Variants in CCSER1 observed in about 807,000 individuals in gnomAD.
The protein encoded by CCSER1 is coiled-coil serine rich protein 1, also known as serine-rich coiled-coil domain-containing protein 1.
In CCSER1, 41 loss-of-function variants were observed where a neutral mutation model predicts 82.0. The ratio of observed to expected loss-of-function variants is 0.50; its 90% CI spans 0.39 to 0.65. The LOEUF is 0.65. CCSER1 is among the 30% of genes least tolerant of loss of function. The pLI is 0.00. For missense variants in CCSER1, 1,119 were observed against 1,064.2 expected (o/e 1.05, Z -0.72); for synonymous variants, 414 against 383.9 (o/e 1.08, Z -0.92).
intron 10 of CCSER1, among the ~76,000 whole-genome samples, chr4:91,226,755 A>T (rs940763165): frequency 6.6e-6 from 1 of 151,884 alleles, no homozygotes; most frequent in Non-Finnish European, 1.5e-5. Context: ...ATAAACTTGT[A>T]CATTTCATTT....
intron 9 of CCSER1, among the ~76,000 whole-genome samples, chr4:90,934,550 A>G (rs28712687): frequency 0.049 from 7,522 of 152,304 alleles, 498 homozygotes; most frequent in African/African-American, 0.15. Context: ...AAACAATACC[A>G]TGAATCAAAA....
intron 7 of CCSER1, among the ~76,000 whole-genome samples, chr4:90,773,288 C>A (rs536311075): frequency 4.3e-4 from 66 of 152,306 alleles, no homozygotes; most frequent in Non-Finnish European, 7.4e-4. Context: ...ACTGATTGCC[C>A]TTACCTTAAT....
chr4:91,399,615 T>C (rs1578362850), intron 10 of CCSER1, among the ~76,000 whole-genome samples: 1 of 151,954 alleles, frequency 6.6e-6, no homozygotes, highest in African/African-American at 2.4e-5. Flanking sequence ...ACCTGCTAAG[T>C]CAGTTAACAT....
At chr4:90,171,207 T>C (rs1346942286) in intron 1 of CCSER1, among the ~76,000 whole-genome samples, 1 of 79,706 alleles carries the variant, frequency 1.3e-5, no homozygotes, top group Non-Finnish European at 2.4e-5. Context: ...GGAATATATT[T>C]TAAAAATTTA....
chr4:91,077,952 A>G (rs1722190759), intron 9 of CCSER1, among the ~76,000 whole-genome samples: 2 of 152,338 alleles, frequency 1.3e-5, no homozygotes, highest in Middle Eastern at 3.4e-3. Flanking sequence ...GGAAGCTCGA[A>G]CTGGGTGGAG....
intron 6 of CCSER1, among the ~76,000 whole-genome samples, chr4:90,654,402 T>A (rs1431380699): frequency 6.6e-6 from 1 of 152,164 alleles, no homozygotes; most frequent in East Asian, 1.9e-4. Context: ...TTTTATACTT[T>A]ATATTTCATT....
At chr4:91,025,809 T>C (rs994604138) in intron 9 of CCSER1, among the ~76,000 whole-genome samples, 2 of 152,158 alleles carry the variant, frequency 1.3e-5, no homozygotes, top group African/African-American at 2.4e-5. Flanking sequence ...TATTCTGTTT[T>C]TAATTTTACT....
intron 9 of CCSER1, among the ~76,000 whole-genome samples, chr4:91,063,971 C>A (rs1744162572): frequency 6.6e-6 from 1 of 152,142 alleles, no homozygotes; most frequent in Non-Finnish European, 1.5e-5. Flanking sequence ...TACTACATTA[C>A]CTCACATTAT....
chr4:91,540,999 T>G (rs1317389010), intron 10 of CCSER1, among the ~76,000 whole-genome samples: 2 of 152,182 alleles, frequency 1.3e-5, no homozygotes, highest in East Asian at 1.9e-4. Context: ...CTTTGTTCAT[T>G]TTCAATATTG....
At chr4:91,573,555 A>C (rs1393828777) in intron 10 of CCSER1, among the ~76,000 whole-genome samples, 3 of 152,178 alleles carry the variant, frequency 2.0e-5, no homozygotes, top group Non-Finnish European at 4.4e-5. Flanking sequence ...TCCTGACCCA[A>C]GGATTGCAAA....
intron 10 of CCSER1, among the ~76,000 whole-genome samples, chr4:91,498,614 A>G (rs1022320688): frequency 1.3e-5 from 2 of 151,002 alleles, no homozygotes; most frequent in African/African-American, 4.9e-5. Flanking sequence ...TTATTTATCT[A>G]AATAAACTTT....
intron 9 of CCSER1, among the ~76,000 whole-genome samples, chr4:90,978,609 A>G (rs777647292): frequency 5.3e-5 from 8 of 151,792 alleles, no homozygotes; most frequent in Non-Finnish European, 8.8e-5. Context: ...AATTCTGTAG[A>G]CTGAATAAAA....
chr4:91,475,614 A>T lies in CCSER1; in HGVS notation c.2218-122958A>T, dbSNP rs151004446. Among the ~76,000 whole-genome samples the T allele has an allele frequency of 1.2e-4, 19 of 152,024 alleles. 1 individual carries two copies. Among genetic ancestry groups the T allele is most frequent in the African/African-American group, 4.1e-4 (17 of 41,566 alleles). ...ACCTTTTCTTTCTCTTCTGATTAAT[A>T]GAGGAGTCTACTACCTCAAACATTT... is the stretch of plus-strand genomic sequence containing the variant. On this transcript the variant is annotated intron_variant, in intron 10 of 10. Transcript: ENST00000509176.
At chr4:90,659,962 A>G (rs28569337) in intron 6 of CCSER1, among the ~76,000 whole-genome samples, 9,033 of 151,682 alleles carry the variant, frequency 0.06, 368 homozygotes, top group Non-Finnish European at 0.093. Flanking sequence ...CTTTTTAGTG[A>G]GGTTTTTTGT....
intron 9 of CCSER1, among the ~76,000 whole-genome samples, chr4:90,935,436 A>G (rs77233450): frequency 0.048 from 7,352 of 152,206 alleles, 479 homozygotes; most frequent in African/African-American, 0.15. Flanking sequence ...CAGATGCCCA[A>G]TCTTACAGCT....
Position 90,577,705 on chromosome 4 carries a change from T to A in CCSER1, c.1725-50320T>A, listed in dbSNP as rs1780920085. Among the ~76,000 whole-genome samples, 4 of 152,076 alleles carry A rather than the reference T, an allele frequency of 2.6e-5. No homozygotes were observed. The South Asian group carries it at 8.3e-4, about 31-fold the overall frequency. ...TCCAATATTACTTATTTTTTAAAAT[T>A]TTTGTATCATATTTTTAAGAGTTCC... On this transcript the variant is annotated intron_variant, in intron 5 of 10. Coordinates refer to ENST00000509176, the MANE Select transcript of CCSER1 (RefSeq NM_001145065.2).
chr4:90,877,055 A>G (rs1767303659), intron 8 of CCSER1, among the ~76,000 whole-genome samples: 1 of 152,128 alleles, frequency 6.6e-6, no homozygotes, highest in Non-Finnish European at 1.5e-5. Context: ...AGTGAGGGAA[A>G]CTAAGTTTCA....
rs1348457900 is a variant in CCSER1, at chr4:91,143,650, A to G, written c.2217+57656A>G. Among the ~76,000 whole-genome samples, 8 of 152,022 alleles carry G rather than the reference A, an allele frequency of 5.3e-5. 1 individual carries two copies. The East Asian group carries it at 9.6e-4, about 18-fold the overall frequency. ...TATTATTTTAAAGTATGTTACTTCAATGCCTAGTTTCTTTAGTATTTTTTT... is the reference window on the plus strand; with the variant it reads ...TATTATTTTAAAGTATGTTACTTCAGTGCCTAGTTTCTTTAGTATTTTTTT... On this transcript the variant is annotated intron_variant, in intron 10 of 10. Coordinates refer to ENST00000509176, the MANE Select transcript of CCSER1 (RefSeq NM_001145065.2).
At chr4:90,339,987 A>G (rs1395904319) in intron 3 of CCSER1, among the ~76,000 whole-genome samples, 1 of 152,052 alleles carries the variant, frequency 6.6e-6, no homozygotes, top group East Asian at 1.9e-4. Flanking sequence ...TTAAGCAAAT[A>G]GAAGAAAGAA....
Sources: gnomAD v4.1 joint callset for allele counts (sites outside exome capture counted in the v4.1 genomes callset) on GRCh38, gnomAD v4.1.1 for gene constraint, MANE v1.5 for transcripts, NCBI Gene and HGNC (gene_info 2026-07-23, HGNC 2026-07-21) for gene names.